LRRC69: variants seen among roughly 807,000 people sequenced by gnomAD.
The protein encoded by LRRC69 is leucine-rich repeat-containing protein 69.
Under a neutral mutation model 37.8 loss-of-function variants are expected in LRRC69, and 42 were observed. That is an observed-to-expected ratio of 1.11 (90% CI 0.87 to 1.44). The LOEUF (loss-of-function observed/expected upper bound fraction) is 1.44, where lower values mean the gene tolerates loss of function less well. LRRC69 is among the 40% of genes most tolerant of loss of function. The pLI is 0.00. For synonymous variants in LRRC69, 141 were observed against 143.1 expected, an observed-to-expected ratio of 0.99 and a Z score of 0.11; for missense variants, 357 against 401.9, an observed-to-expected ratio of 0.89 and a Z score of 0.96.
intron 5 of LRRC69, among the ~76,000 whole-genome samples, chr8:91,149,486 A>T (rs1163246275): frequency 2.0e-5 from 3 of 151,940 alleles, no homozygotes; most frequent in Non-Finnish European, 4.4e-5. Context: ...TGGTTACTGT[A>T]GCCTTGTAGT....
At chr8:91,157,938 A>G in intron 5 of LRRC69, 1 of 1,483,758 alleles carries the variant, frequency 6.7e-7, no homozygotes, top group South Asian at 1.1e-5. Flanking sequence ...CAGTATACTG[A>G]TTGCACGTTC....
exon 5 of LRRC69, chr8:91,135,729 T>C: frequency 6.9e-7 from 1 of 1,442,482 alleles, no homozygotes; most frequent in Non-Finnish European, 9.1e-7. Flanking sequence ...ATTCAGATAT[T>C]TCCATCAGGA....
At chr8:91,218,554 A>G (rs1413718357) in intron 7 of LRRC69, among the ~76,000 whole-genome samples, 1 of 152,200 alleles carries the variant, frequency 6.6e-6, no homozygotes, top group African/African-American at 2.4e-5. Context: ...TGATCAATTT[A>G]ATACCCCTGA....
intron 5 of LRRC69, among the ~76,000 whole-genome samples, chr8:91,173,395 T>G (rs150722994): frequency 7.1e-4 from 108 of 152,346 alleles, no homozygotes; most frequent in African/African-American, 2.2e-3. Context: ...TTTCTGTTCC[T>G]GTAAGAATTT....
At chr8:91,205,963 A>G (rs950685520) in intron 7 of LRRC69, among the ~76,000 whole-genome samples, 8 of 152,230 alleles carry the variant, frequency 5.3e-5, no homozygotes, top group African/African-American at 1.9e-4. Flanking sequence ...TATATCAGAA[A>G]GCTTTGAAGT....
At chr8:91,142,866 G>A (rs1808554130) in intron 5 of LRRC69, among the ~76,000 whole-genome samples, 1 of 152,010 alleles carries the variant, frequency 6.6e-6, no homozygotes, top group African/African-American at 2.4e-5. Flanking sequence ...ATTTCTTTGA[G>A]CTCACTGGGA....
chr8:91,114,497 A>G (rs760326839), intron 1 of LRRC69, among the ~76,000 whole-genome samples: 2 of 152,006 alleles, frequency 1.3e-5, no homozygotes, highest in Non-Finnish European at 2.9e-5. Flanking sequence ...TGTGATGCCT[A>G]ACAGCATTTC....
chr8:91,211,203 A>G (rs747666590), intron 7 of LRRC69, among the ~76,000 whole-genome samples: 2 of 152,104 alleles, frequency 1.3e-5, no homozygotes, highest in Non-Finnish European at 2.9e-5. Context: ...AAAAATTTTT[A>G]AAGGAAAATT....
At chr8:91,195,496 A>G (rs1425496456) in intron 6 of LRRC69, among the ~76,000 whole-genome samples, 2 of 151,326 alleles carry the variant, frequency 1.3e-5, no homozygotes, top group East Asian at 3.9e-4. Context: ...TTTGTAGGTC[A>G]CTCAGGACTT....
intron 5 of LRRC69, among the ~76,000 whole-genome samples, chr8:91,156,602 T>C (rs1049808911): frequency 6.6e-6 from 1 of 151,064 alleles, no homozygotes; most frequent in African/African-American, 2.4e-5. Context: ...TTTTTGCTTT[T>C]GTTGTCCGTG....
chr8:91,197,342 G>C (rs1357104883), intron 6 of LRRC69, among the ~76,000 whole-genome samples: 10 of 152,228 alleles, frequency 6.6e-5, no homozygotes, highest in Non-Finnish European at 1.3e-4. Context: ...GAGGCAGGCA[G>C]GCCTCCTGGA....
intron 5 of LRRC69, among the ~76,000 whole-genome samples, chr8:91,151,899 T>A (rs1363361050): frequency 6.6e-6 from 1 of 151,832 alleles, no homozygotes; most frequent in African/African-American, 2.4e-5. Context: ...TGATCAGTGA[T>A]GTTGAGCTTT....
At chr8:91,131,540 C>T (rs993926905) in intron 3 of LRRC69, among the ~76,000 whole-genome samples, 1 of 151,870 alleles carries the variant, frequency 6.6e-6, no homozygotes, top group African/African-American at 2.4e-5. Context: ...TTCTCTCATT[C>T]ATAATTTATA....
At chr8:91,135,363 G>C (rs1380132666) in intron 4 of LRRC69, among the ~76,000 whole-genome samples, 1 of 151,984 alleles carries the variant, frequency 6.6e-6, no homozygotes, top group Non-Finnish European at 1.5e-5. Flanking sequence ...GAAGTACAAA[G>C]CAATTAAGAA....
intron 3 of LRRC69, 101 bp downstream of exon 3, chr8:91,127,261 A>T: frequency 1.2e-6 from 1 of 831,812 alleles, no homozygotes; most frequent in Non-Finnish European, 1.9e-6. Flanking sequence ...TCCCTGTGAG[A>T]TTTATACATA....
chr8:91,135,155 G>A (rs1317473082), intron 4 of LRRC69, among the ~76,000 whole-genome samples: 1 of 151,996 alleles, frequency 6.6e-6, no homozygotes, highest in African/African-American at 2.4e-5. Flanking sequence ...ACAATACAAA[G>A]GAGAGTATCA....
At chr8:91,172,270 A>G (rs1372365952) in intron 5 of LRRC69, among the ~76,000 whole-genome samples, 1 of 152,006 alleles carries the variant, frequency 6.6e-6, no homozygotes, top group African/African-American at 2.4e-5. Context: ...CTTAGGAAAT[A>G]TATCTAGAAG....
At position 91,133,289 on chromosome 8, in the gene LRRC69, T is replaced by C. The variant is rs1445219720; in HGVS notation, c.563T>C (p.Ile188Thr). The C allele has an allele frequency of 8.0e-6, 12 of 1,505,100 alleles. No homozygotes were observed. Among genetic ancestry groups the C allele is most frequent in the South Asian group, 1.3e-5 (1 of 76,456 alleles). 93.2% of individuals were successfully genotyped at this position (1,505,100 alleles called of 1,614,324 possible). A position where few individuals can be genotyped will look rare whatever the true frequency, so the allele number is the denominator to read the frequency against. The change falls in exon 4 of 8, where the codon ATT (isoleucine) becomes ACT (threonine). Residue 188 changes from isoleucine (I) to threonine (T), a missense_variant. Coordinates refer to ENST00000448384, the Ensembl canonical transcript of LRRC69. ...AAGCTTTTGCTAGCCAGAAACAACA[T>C]TGGAGTTTTGCCGGAGGTAAGCAAA...
chr8:91,188,713 TTTCTCTTCTTA>T (rs1809442420), intron 5 of LRRC69, among the ~76,000 whole-genome samples: 2 of 152,158 alleles, frequency 1.3e-5, no homozygotes, highest in African/African-American at 2.4e-5. Flanking sequence ...TTTCTCTTCT[TTTCTCTTCTTA>T]TTCTCTTCTT....
Sources: allele counts gnomAD v4.1 joint callset (sites outside exome capture counted in the v4.1 genomes callset), GRCh38; gene constraint gnomAD v4.1.1; transcripts MANE v1.5; gene names NCBI Gene and HGNC (gene_info 2026-07-23, HGNC 2026-07-21).